Variants in TRPC4 observed in about 807,000 individuals in gnomAD.
TRPC4 encodes transient receptor potential cation channel subfamily C member 4.
In TRPC4, 49 loss-of-function variants were observed where a neutral mutation model predicts 99.4. That is an observed-to-expected ratio of 0.49 (90% CI 0.39 to 0.63). The LOEUF (loss-of-function observed/expected upper bound fraction) is 0.63, where lower values mean the gene tolerates loss of function less well. Among genes scored for constraint, TRPC4 ranks in the 20% least tolerant of loss-of-function variants. The pLI is 0.00. For missense variants in TRPC4, 898 were observed against 1,152.9 expected, an observed-to-expected ratio of 0.78 and a Z score of 3.20; for synonymous variants, 454 against 425.9, an observed-to-expected ratio of 1.07 and a Z score of -0.81.
At chr13:37,863,551 A>G (rs932461112) in intron 1 of TRPC4, among the ~76,000 whole-genome samples, 2 of 151,580 alleles carry the variant, frequency 1.3e-5, no homozygotes, top group Non-Finnish European at 3.0e-5. Context: ...AACTGCAACT[A>G]CCACAAAAGA....
At chr13:37,803,216 G>T (rs1249415162) in intron 1 of TRPC4, among the ~76,000 whole-genome samples, 2 of 151,868 alleles carry the variant, frequency 1.3e-5, no homozygotes, top group African/African-American at 4.8e-5. Context: ...GGCTCATCTT[G>T]CATTTTCCCT....
At chr13:37,734,681 A>G (rs1300226019) in intron 3 of TRPC4, among the ~76,000 whole-genome samples, 2 of 152,156 alleles carry the variant, frequency 1.3e-5, no homozygotes, top group African/African-American at 4.8e-5. Flanking sequence ...TTAATAAGAT[A>G]AAAAGAGGAG....
At chr13:37,663,837 T>C in intron 5 of TRPC4, 108 bp from the exon 6 acceptor site, 1 of 1,079,952 alleles carries the variant, frequency 9.3e-7, no homozygotes, top group South Asian at 1.7e-5. Context: ...AAATAATTGA[T>C]GACTTTGTTT....
intron 1 of TRPC4, among the ~76,000 whole-genome samples, chr13:37,806,284 C>A (rs1469430567): frequency 1.3e-5 from 2 of 151,820 alleles, no homozygotes; most frequent in East Asian, 3.9e-4. Context: ...TTTTCTTTAC[C>A]TTCATCTTTG....
At chr13:37,746,629 GA>G (rs368191471) in intron 2 of TRPC4, among the ~76,000 whole-genome samples, 174 bp from the exon 3 acceptor site, 4 of 147,040 alleles carry the variant, frequency 2.7e-5, no homozygotes, top group Non-Finnish European at 3.0e-5. Context: ...GACAAAATTG[GA>G]AAAAAAAACT....
intron 1 of TRPC4, among the ~76,000 whole-genome samples, chr13:37,825,128 T>C (rs920906031): frequency 5.3e-5 from 8 of 152,110 alleles, no homozygotes; most frequent in Admixed American, 3.3e-4. Context: ...ATCCCCTTTA[T>C]CATTTTTTAT....
At chr13:37,853,107 T>C (rs1959100026) in intron 1 of TRPC4, among the ~76,000 whole-genome samples, 1 of 151,628 alleles carries the variant, frequency 6.6e-6, no homozygotes, top group Admixed American at 6.6e-5. Context: ...TGAGTGAACA[T>C]AGGTGGTAGC....
At chr13:37,724,700 A>G (rs1253212818) in intron 3 of TRPC4, among the ~76,000 whole-genome samples, 4 of 152,170 alleles carry the variant, frequency 2.6e-5, no homozygotes, top group African/African-American at 9.6e-5. Flanking sequence ...GTGTTGGTCT[A>G]TTTGTTCCAA....
chr13:37,861,095 G>A (rs927338429), intron 1 of TRPC4, among the ~76,000 whole-genome samples: 11 of 151,448 alleles, frequency 7.3e-5, no homozygotes, highest in African/African-American at 4.8e-5. Context: ...AAAACCAGAA[G>A]CATTATAAGA....
intron 3 of TRPC4, among the ~76,000 whole-genome samples, chr13:37,695,304 C>T (rs941408352): frequency 2.6e-5 from 4 of 152,054 alleles, no homozygotes; most frequent in Non-Finnish European, 5.9e-5. Flanking sequence ...ACTCCAACTC[C>T]CTCTGAAGGA....
At position 37,854,138 on chromosome 13, in the gene TRPC4, T is replaced by C. The variant is rs547436116; in HGVS notation, c.-28+15457A>G. On this transcript the variant is annotated intron_variant, in intron 1 of 10. Coordinates refer to ENST00000379705, the MANE Select transcript of TRPC4 (RefSeq NM_016179.4). Reference sequence around the variant, plus strand: ...TACCTTGAAACATTTAATATTGAATTCCCAAAGGTCAAGGATAAAGAAATT... The same window carrying C: ...TACCTTGAAACATTTAATATTGAATCCCCAAAGGTCAAGGATAAAGAAATT... Among the ~76,000 whole-genome samples, 15 of 152,140 alleles carry C rather than the reference T, an allele frequency of 9.9e-5. No homozygotes were observed. In the South Asian group the frequency reaches 3.1e-3, roughly 31 times the overall value.
chr13:37,832,533 C>T (rs758436416), intron 1 of TRPC4, among the ~76,000 whole-genome samples: 12 of 151,860 alleles, frequency 7.9e-5, no homozygotes, highest in Non-Finnish European at 1.5e-4. Context: ...AGCAAGACTC[C>T]GTCAAAAACA....
At position 37,634,693 on chromosome 13, in the gene TRPC4, CAAAAT is replaced by C. The variant is rs1951468373; in HGVS notation, c.*2205_*2209del. The stretch of plus-strand genomic sequence containing the variant: ...ATAGTGTCCTTACTTTGGGAAAAAA[CAAAAT>C]AAAACAACAACGCACAAGAGAGGCA... On this transcript the variant is annotated 3_prime_UTR_variant, in exon 11 of 11. Transcript: ENST00000379705. Among the ~76,000 whole-genome samples the C allele has an allele frequency of 6.6e-6, 1 of 151,872 alleles. No homozygotes were observed. Among genetic ancestry groups the C allele is most frequent in the Non-Finnish European group, 1.5e-5 (1 of 67,916 alleles).
intron 3 of TRPC4, among the ~76,000 whole-genome samples, chr13:37,716,879 A>G (rs966030272): frequency 6.6e-6 from 1 of 152,066 alleles, no homozygotes; most frequent in Non-Finnish European, 1.5e-5. Flanking sequence ...TGTACGTCTG[A>G]GTTCTTAAAG....
intron 5 of TRPC4, among the ~76,000 whole-genome samples, chr13:37,666,404 C>T (rs1469650184): frequency 6.6e-6 from 1 of 152,128 alleles, no homozygotes; most frequent in Admixed American, 6.5e-5. Flanking sequence ...TGTCTGTTCT[C>T]TGATCCAAAA....
chr13:37,648,617 C>A (rs528190245), intron 8 of TRPC4, among the ~76,000 whole-genome samples: 1 of 151,412 alleles, frequency 6.6e-6, no homozygotes, highest in African/African-American at 2.4e-5. Flanking sequence ...CAGCTTGGAG[C>A]AAAAAATTCA....
At chr13:37,733,056 T>TGAGCTCA (rs1955287904) in intron 3 of TRPC4, among the ~76,000 whole-genome samples, 1 of 152,210 alleles carries the variant, frequency 6.6e-6, no homozygotes, top group African/African-American at 2.4e-5. Flanking sequence ...GTGGATTGCT[T>TGAGCTCA]GAGCTCAGGA....
intron 1 of TRPC4, among the ~76,000 whole-genome samples, chr13:37,825,328 T>TTGCTCTTGC (rs1289891582): frequency 6.7e-6 from 1 of 149,686 alleles, no homozygotes; most frequent in African/African-American, 2.4e-5. Context: ...TTGAATGTGT[T>TTGCTCTTGC]TGCTCTTGCT....
chr13:37,737,989 A>G (rs1394505031), intron 3 of TRPC4, among the ~76,000 whole-genome samples: 1 of 152,154 alleles, frequency 6.6e-6, no homozygotes, highest in Non-Finnish European at 1.5e-5. Flanking sequence ...ATGTTAATGC[A>G]TGATCCCTTT....
Sources: allele counts gnomAD v4.1 joint callset (sites outside exome capture counted in the v4.1 genomes callset), GRCh38; gene constraint gnomAD v4.1.1; transcripts MANE v1.5; gene names NCBI Gene and HGNC (gene_info 2026-07-23, HGNC 2026-07-21).